FAM171A1: variants seen among roughly 807,000 people sequenced by gnomAD.
FAM171A1 encodes family with sequence similarity 171 member A1, also known as protein FAM171A1.
FAM171A1 carries 23 observed loss-of-function variants against 74.9 expected under a neutral mutation model. The observed-to-expected ratio is 0.31, with a 90% confidence interval of 0.22 to 0.44. FAM171A1 has a LOEUF of 0.44. Among genes scored for constraint, FAM171A1 ranks in the 20% least tolerant of loss-of-function variants. FAM171A1 has a pLI of 1.00. For synonymous variants in FAM171A1, 527 were observed against 505.7 expected (o/e 1.04, Z -0.57); for missense variants, 1,162 against 1,159.2 (o/e 1.00, Z -0.03).
At chr10:15,232,889 G>A (rs1455873211) in intron 5 of FAM171A1, among the ~76,000 whole-genome samples, 9 of 152,202 alleles carry the variant, frequency 5.9e-5, no homozygotes, top group South Asian at 2.1e-4. Flanking sequence ...TGATAAAGAC[G>A]GGAGTCCCCC....
rs780016132 is a variant in FAM171A1 at position 15,284,040 on chromosome 10, C to T, written c.163G>A (p.Glu55Lys). Reference sequence around the variant, plus strand: ...ATGGAGGCCTGGTTGGTGAAGATCTCGATGAGCGCATCTGCTACGGGCTGG... The same window carrying T: ...ATGGAGGCCTGGTTGGTGAAGATCTTGATGAGCGCATCTGCTACGGGCTGG... The part of the protein sequence containing the change: ...THQPVADALI[E>K]IFTNQASIAS... Residue 55 changes from glutamate to lysine, a missense_variant, in exon 2 of 8, where the codon GAG becomes AAG. By Grantham distance (56) the Glu-to-Lys change is moderately conservative (BLOSUM62 1). Transcript: ENST00000378116. 8.1e-6 allele frequency: 13 copies of T among 1,613,860 alleles called. No homozygotes were observed. The highest frequency in any genetic ancestry group is 3.3e-4 in the Middle Eastern group (2 of 6,084).
At chr10:15,224,770 C>A (rs149745840) in intron 5 of FAM171A1, among the ~76,000 whole-genome samples, 2 of 152,230 alleles carry the variant, frequency 1.3e-5, no homozygotes, top group South Asian at 4.1e-4. Context: ...GTCTATTAAA[C>A]CTCTTTTTCT....
intron 5 of FAM171A1, among the ~76,000 whole-genome samples, chr10:15,234,431 CAG>C (rs1351847195): frequency 6.6e-6 from 1 of 152,144 alleles, no homozygotes; most frequent in African/African-American, 2.4e-5. Flanking sequence ...GCAGCCAAAG[CAG>C]AAATTTATTT....
At chr10:15,287,241 G>A (rs888141746) in intron 1 of FAM171A1, among the ~76,000 whole-genome samples, 83 of 151,260 alleles carry the variant, frequency 5.5e-4, no homozygotes, top group African/African-American at 1.9e-3. Flanking sequence ...ACAGGCACCC[G>A]CCACCACATC....
chr10:15,263,749 ATCTATC>A (rs1314756628), intron 3 of FAM171A1, among the ~76,000 whole-genome samples: 2 of 124,740 alleles, frequency 1.6e-5, no homozygotes, highest in Non-Finnish European at 3.6e-5. Context: ...CTGTCTATCT[ATCTATC>A]TATCTATCTA....
intron 5 of FAM171A1, among the ~76,000 whole-genome samples, chr10:15,244,516 C>T (rs1328470165): frequency 6.6e-6 from 1 of 152,188 alleles, no homozygotes; most frequent in East Asian, 1.9e-4. Flanking sequence ...GAGACCCTGT[C>T]TCTTAAAAAC....
intron 1 of FAM171A1, among the ~76,000 whole-genome samples, chr10:15,293,109 T>C (rs1035054618): frequency 6.6e-5 from 10 of 152,160 alleles, no homozygotes; most frequent in Non-Finnish European, 1.2e-4. Flanking sequence ...GACAGTTATT[T>C]TGTGTTTCTG....
At chr10:15,296,068 A>T (rs1244684589) in intron 1 of FAM171A1, among the ~76,000 whole-genome samples, 1 of 152,176 alleles carries the variant, frequency 6.6e-6, no homozygotes, top group Non-Finnish European at 1.5e-5. Context: ...GTCTTTATAA[A>T]GCATGTTCCA....
chr10:15,281,807 G>C (rs1588531578), intron 2 of FAM171A1, among the ~76,000 whole-genome samples: 1 of 152,170 alleles, frequency 6.6e-6, no homozygotes, highest in Admixed American at 6.5e-5. Flanking sequence ...ATTGCAGTGA[G>C]CCAAGATCAC....
intron 5 of FAM171A1, among the ~76,000 whole-genome samples, chr10:15,247,989 G>A (rs1834456945): frequency 6.6e-6 from 1 of 152,114 alleles, no homozygotes; most frequent in Admixed American, 6.6e-5. Context: ...CTCACAGCTT[G>A]ACAGCCGCCT....
chr10:15,238,011 C>T (rs1000788134), intron 5 of FAM171A1, among the ~76,000 whole-genome samples: 19 of 152,136 alleles, frequency 1.2e-4, no homozygotes, highest in South Asian at 2.1e-4. Flanking sequence ...CCCTGAACTA[C>T]GGCATCTATT....
At chr10:15,322,402 C>T (rs952140437) in intron 1 of FAM171A1, among the ~76,000 whole-genome samples, 4 of 152,148 alleles carry the variant, frequency 2.6e-5, no homozygotes, top group African/African-American at 9.7e-5. Context: ...CATCCTGCTC[C>T]ATCCATGTTA....
chr10:15,345,983 G>T (rs767642637), intron 1 of FAM171A1, among the ~76,000 whole-genome samples: 3 of 152,196 alleles, frequency 2.0e-5, no homozygotes, highest in Non-Finnish European at 4.4e-5. Flanking sequence ...ACAGCAGACA[G>T]CTAAGGCATG....
In FAM171A1 at chr10:15,214,110, A is replaced by G; in HGVS notation, c.1478T>C (p.Leu493Pro). 1.2e-6 allele frequency: 2 copies of G among 1,614,126 alleles called. No homozygotes were observed. Among genetic ancestry groups the G allele is most frequent in the Non-Finnish European group, 1.7e-6 (2 of 1,180,030 alleles). Reference protein sequence around the residue: ...DDYRGSYNTVLSQPLFEKQDR... With the variant: ...DDYRGSYNTVPSQPLFEKQDR... ...CTGCTTTTCAAATAAAGGCTGTGAG[A>G]GCACGGTGTTGTAACTACCCCTGTA... Residue 493 changes from leucine (L) to proline (P), a missense_variant, in exon 8 of 8, where the codon CTC (leucine) becomes CCC (proline). Coordinates refer to ENST00000378116, the MANE Select transcript of FAM171A1 (RefSeq NM_001010924.2).
intron 4 of FAM171A1, among the ~76,000 whole-genome samples, chr10:15,251,854 T>C (rs1362491565): frequency 6.6e-6 from 1 of 152,176 alleles, no homozygotes; most frequent in Non-Finnish European, 1.5e-5. Context: ...TGGCTCCCTT[T>C]AAGTCTGCAC....
At chr10:15,235,279 GAGAC>G (rs1335490186) in intron 5 of FAM171A1, among the ~76,000 whole-genome samples, 44 of 130,572 alleles carry the variant, frequency 3.4e-4, no homozygotes, top group African/African-American at 1.3e-3. Flanking sequence ...TCCAGCCTGG[GAGAC>G]AGAGCGAGAC....
At chr10:15,237,928 A>G (rs1834314918) in intron 5 of FAM171A1, among the ~76,000 whole-genome samples, 3 of 152,188 alleles carry the variant, frequency 2.0e-5, no homozygotes, top group Admixed American at 6.5e-5. Context: ...AAAAAGGCCT[A>G]TTTCCAATAA....
At chr10:15,303,394 T>C (rs12249133) in intron 1 of FAM171A1, among the ~76,000 whole-genome samples, 68,175 of 152,062 alleles carry the variant, frequency 0.45, 15,818 homozygotes, top group East Asian at 0.78. Flanking sequence ...TTTTTTTCCG[T>C]AGTGAACATC....
intron 1 of FAM171A1, among the ~76,000 whole-genome samples, chr10:15,284,913 GAGA>G (rs1835017132): frequency 6.7e-6 from 1 of 148,276 alleles, no homozygotes; most frequent in Non-Finnish European, 1.5e-5. Flanking sequence ...AGTAGAACAA[GAGA>G]AGGTTAGAAA....
Sources: gnomAD v4.1 joint callset for allele counts (sites outside exome capture counted in the v4.1 genomes callset) on GRCh38, gnomAD v4.1.1 for gene constraint, MANE v1.5 for transcripts, NCBI Gene and HGNC (gene_info 2026-07-23, HGNC 2026-07-21) for gene names.